Variants in M1AP observed in about 807,000 individuals in gnomAD.
The protein encoded by M1AP is meiosis 1 arrest protein.
A neutral mutation model predicts 51.2 loss-of-function variants in M1AP; 39 were observed. That is an observed-to-expected ratio of 0.76 (90% CI 0.59 to 1.00). The LOEUF is 1.00. M1AP is among the 50% of genes least tolerant of loss of function. The pLI, the probability that M1AP is intolerant of heterozygous loss-of-function variation, is 0.00. For missense variants in M1AP, 545 were observed against 641.2 expected (o/e 0.85, Z 1.62); for synonymous variants, 251 against 249.2 (o/e 1.01, Z -0.07).
At chr2:74,602,039 G>T (rs1334885882) in intron 4 of M1AP, among the ~76,000 whole-genome samples, 12 of 152,142 alleles carry the variant, frequency 7.9e-5, no homozygotes, top group South Asian at 2.1e-4. Flanking sequence ...TTTAATTGAT[G>T]ATCATGGCTA....
intron 5 of M1AP, 30 bp downstream of exon 5, chr2:74,581,644 T>C: frequency 2.5e-6 from 4 of 1,601,626 alleles, no homozygotes; most frequent in Non-Finnish European, 3.4e-6. Flanking sequence ...AGAATAATCA[T>C]AGCCTAAATA....
chr2:74,576,306 G>A, intron 6 of M1AP, 150 bp downstream of exon 6: 2 of 804,908 alleles, frequency 2.5e-6, no homozygotes, highest in African/African-American at 1.7e-5. Context: ...GCCTGTCTTT[G>A]CTTCCTCATG....
At chr2:74,646,606 T>C (rs543762164) in intron 1 of M1AP, among the ~76,000 whole-genome samples, 9 of 152,202 alleles carry the variant, frequency 5.9e-5, no homozygotes, top group Non-Finnish European at 1.2e-4. Flanking sequence ...GAAAGAAGTA[T>C]GTCAGTTTGC....
chr2:74,645,139 G>A (rs771816494), intron 1 of M1AP, among the ~76,000 whole-genome samples: 3 of 151,950 alleles, frequency 2.0e-5, no homozygotes, highest in African/African-American at 4.8e-5. Flanking sequence ...CAAACCCACC[G>A]GGAGGAATGA....
intron 3 of M1AP, among the ~76,000 whole-genome samples, chr2:74,612,976 AGTT>A (rs1486399383): frequency 6.9e-6 from 1 of 144,348 alleles, no homozygotes; most frequent in Non-Finnish European, 1.5e-5. Flanking sequence ...TTTTTTTTCC[AGTT>A]TTTTTTTCTC....
chr2:74,607,407 G>T (rs894314090), intron 3 of M1AP, among the ~76,000 whole-genome samples, 184 bp from the exon 4 acceptor site: 2 of 152,226 alleles, frequency 1.3e-5, no homozygotes, highest in African/African-American at 4.8e-5. Flanking sequence ...TGTGGGACAG[G>T]TTATCACAGG....
At chr2:74,564,403 T>C (rs768924844) in intron 7 of M1AP, among the ~76,000 whole-genome samples, 9 of 152,060 alleles carry the variant, frequency 5.9e-5, no homozygotes, top group African/African-American at 1.2e-4. Context: ...CTTTGTGGGG[T>C]AGGACTTGAC....
chr2:74,563,418 G>T (rs1196672480), intron 7 of M1AP, among the ~76,000 whole-genome samples: 1 of 151,922 alleles, frequency 6.6e-6, no homozygotes, highest in Admixed American at 6.6e-5. Flanking sequence ...GACTAACATG[G>T]TGAAACTCCA....
intron 8 of M1AP, among the ~76,000 whole-genome samples, chr2:74,561,203 AG>A: frequency 7.8e-6 from 1 of 127,950 alleles, no homozygotes; most frequent in African/African-American, 3.5e-5. Context: ...GAGGAGAAGG[AG>A]GAGGAGGAGG....
chr2:74,639,513 A>T (rs1289471169), intron 2 of M1AP, among the ~76,000 whole-genome samples: 1 of 152,224 alleles, frequency 6.6e-6, no homozygotes, highest in Non-Finnish European at 1.5e-5. Flanking sequence ...TGGCCCAGCC[A>T]TTGCCTTCCA....
intron 2 of M1AP, chr2:74,628,277 T>C (rs1311227462): frequency 3.5e-6 from 1 of 287,214 alleles, no homozygotes. Flanking sequence ...CAAGAATCTG[T>C]TCAGTTGTTC....
At chr2:74,573,160 C>A (rs1295560115) in intron 7 of M1AP, among the ~76,000 whole-genome samples, 2 of 148,014 alleles carry the variant, frequency 1.4e-5, no homozygotes, top group Admixed American at 1.3e-4. Flanking sequence ...GATTCTCCTG[C>A]CTCAGCCTCC....
chr2:74,640,807 T>C (rs115979719), intron 1 of M1AP, among the ~76,000 whole-genome samples: 78 of 152,368 alleles, frequency 5.1e-4, no homozygotes, highest in African/African-American at 1.8e-3. Context: ...TTGCCTATCA[T>C]GTAAGCCTGA....
intron 4 of M1AP, among the ~76,000 whole-genome samples, chr2:74,597,477 C>G (rs925021547): frequency 6.6e-6 from 1 of 152,114 alleles, no homozygotes; most frequent in Non-Finnish European, 1.5e-5. Flanking sequence ...GGCTACCCAC[C>G]CCACCCCCAG....
At chr2:74,630,191 T>A (rs1682622275) in intron 2 of M1AP, among the ~76,000 whole-genome samples, 1 of 152,096 alleles carries the variant, frequency 6.6e-6, no homozygotes, top group Admixed American at 6.6e-5. Context: ...CCTTCCTTGG[T>A]CTCCCAAAGT....
intron 8 of M1AP, among the ~76,000 whole-genome samples, chr2:74,561,567 C>T (rs1443551787): frequency 6.6e-6 from 1 of 152,184 alleles, no homozygotes; most frequent in Non-Finnish European, 1.5e-5. Flanking sequence ...AAAACCCATA[C>T]AAAGGCTGAT....
chr2:74,609,178 T>A (rs897147212), intron 3 of M1AP, among the ~76,000 whole-genome samples: 2 of 152,174 alleles, frequency 1.3e-5, no homozygotes, highest in African/African-American at 2.4e-5. Context: ...TAATTGTAAC[T>A]TTGCACCATT....
intron 3 of M1AP, among the ~76,000 whole-genome samples, chr2:74,609,666 ATT>A (rs1196351670): frequency 2.0e-5 from 3 of 152,194 alleles, no homozygotes. Flanking sequence ...ACTAATTTGC[ATT>A]CTTACCAAAA....
intron 2 of M1AP, among the ~76,000 whole-genome samples, chr2:74,617,529 G>T (rs1200074715): frequency 6.6e-6 from 1 of 152,230 alleles, no homozygotes; most frequent in Non-Finnish European, 1.5e-5. Context: ...CTGTCAGAGG[G>T]TGGAGTGTGG....
Sources: gnomAD v4.1 joint callset for allele counts (sites outside exome capture counted in the v4.1 genomes callset) on GRCh38, gnomAD v4.1.1 for gene constraint, MANE v1.5 for transcripts, NCBI Gene and HGNC (gene_info 2026-07-23, HGNC 2026-07-21) for gene names.